CORO7: variants seen among roughly 807,000 people sequenced by gnomAD.
The protein encoded by CORO7 is coronin 7, also known as coronin-7.
CORO7 carries 107 observed loss-of-function variants against 126.6 expected under a neutral mutation model. That is an observed-to-expected ratio of 0.85 (90% confidence interval 0.72 to 0.99). CORO7 has a LOEUF of 0.99. CORO7 is among the 50% of genes least tolerant of loss of function. The probability of loss-of-function intolerance (pLI) is 0.00; values close to 1 mark genes in which losing one functional copy is unlikely to be tolerated. For synonymous variants in CORO7, 603 were observed against 536.8 expected (o/e 1.12, Z -1.70); for missense variants, 1,314 against 1,255.8 (o/e 1.05, Z -0.70).
At position 4,360,425 on chromosome 16, in the gene CORO7, C is replaced by T; in HGVS notation, c.2022+19G>A. 3.7e-6 allele frequency: 6 copies of T among 1,612,978 alleles called. No individual in the cohort carries two copies. Among genetic ancestry groups the T allele is most frequent in the Non-Finnish European group, 5.1e-6 (6 of 1,179,858 alleles). On this transcript the variant is annotated intron_variant, in intron 20 of 27. Transcript: ENST00000251166. ...CCTGAACCAGGTCTGAGGCCACTCC[C>T]CAGCCCCTGTGTGCTCACCTGCAGG...
chr16:4,385,462 C>T (rs2055164948), intron 9 of CORO7, among the ~76,000 whole-genome samples: 1 of 152,182 alleles, frequency 6.6e-6, no homozygotes, highest in Non-Finnish European at 1.5e-5. Context: ...ACACACTCAT[C>T]CCCGCTCAAT....
chr16:4,398,241 T>G lies in CORO7; in HGVS notation c.565-2902A>C, dbSNP rs568389212. ...GGTTTGAATATACATTTTAAAAATA[T>G]ATATATAGAAATGGCCAAAAAGCGT... On this transcript the variant is annotated intron_variant, in intron 6 of 27. Coordinates refer to ENST00000251166, the MANE Select transcript of CORO7 (RefSeq NM_024535.5). Among the ~76,000 whole-genome samples the G allele has an allele frequency of 2.0e-4, 31 of 152,260 alleles. 1 individual carries two copies. The highest frequency in any genetic ancestry group is 8.5e-4 in the Admixed American group (13 of 15,290).
intron 9 of CORO7, among the ~76,000 whole-genome samples, chr16:4,378,074 G>A (rs545998834): frequency 6.6e-6 from 1 of 152,280 alleles, no homozygotes; most frequent in South Asian, 2.1e-4. Flanking sequence ...CCCCTCCCCA[G>A]TGCAGGGTGA....
intron 3 of CORO7, among the ~76,000 whole-genome samples, chr16:4,410,329 G>A (rs1333561746): frequency 1.3e-5 from 2 of 152,084 alleles, no homozygotes; most frequent in Non-Finnish European, 1.5e-5. Context: ...GGAGGCTGAG[G>A]ATAGACGATC....
chr16:4,411,836 G>A (rs1392969449), intron 3 of CORO7, among the ~76,000 whole-genome samples: 3 of 151,960 alleles, frequency 2.0e-5, no homozygotes, highest in Non-Finnish European at 2.9e-5. Context: ...CATCTGAGGC[G>A]AGCAAACTGT....
rs112158347 is a variant in CORO7 at position 4,387,377 on chromosome 16, A to T, written c.785+609T>A. 3.1e-3 allele frequency among the ~76,000 whole-genome samples: 476 copies of T among 152,286 alleles called. 5 individuals are homozygous for T. Among genetic ancestry groups the T allele is most frequent in the African/African-American group, 0.011 (453 of 41,560 alleles). On this transcript the variant is annotated intron_variant, in intron 9 of 27. Coordinates refer to ENST00000251166, the MANE Select transcript of CORO7 (RefSeq NM_024535.5). ...GCCCTCTCCACACACTTCTGGGGGCAGATGGAAGGATGAGGTGCACCTGGA... is the reference window on the plus strand; with the variant it reads ...GCCCTCTCCACACACTTCTGGGGGCTGATGGAAGGATGAGGTGCACCTGGA...
chr16:4,360,143 T>C (rs2054115465), intron 21 of CORO7, 135 bp downstream of exon 21: 9 of 1,098,284 alleles, frequency 8.2e-6, no homozygotes, highest in Admixed American at 2.1e-5. Context: ...ACTCATCCAA[T>C]CATCTACCCA....
intron 16 of CORO7, 82 bp downstream of exon 16, chr16:4,361,903 G>C: frequency 6.5e-7 from 1 of 1,538,160 alleles, no homozygotes; most frequent in Non-Finnish European, 8.8e-7. Flanking sequence ...TGCTCCCTGT[G>C]TTGTGTGGGT....
intron 4 of CORO7, among the ~76,000 whole-genome samples, 195 bp from the exon 5 acceptor site, chr16:4,407,879 G>C (rs1407464301): frequency 6.6e-6 from 1 of 152,188 alleles, no homozygotes; most frequent in Admixed American, 6.5e-5. Flanking sequence ...GAGAAAGGAG[G>C]GAGGGAATCT....
At chr16:4,405,042 A>G (rs540010973) in intron 6 of CORO7, among the ~76,000 whole-genome samples, 3 of 152,182 alleles carry the variant, frequency 2.0e-5, no homozygotes, top group Admixed American at 1.3e-4. Flanking sequence ...CTGTCCAACC[A>G]GCTCAAAGCA....
In CORO7 at chr16:4,415,752, T is replaced by A. The variant is rs1016429258; in HGVS notation, c.60+707A>T. 1.1e-5 allele frequency: 11 copies of A among 984,954 alleles called. No homozygotes were observed. In the African/African-American group the frequency reaches 1.9e-4, roughly 17 times the overall value. 61.0% of individuals were successfully genotyped at this position (984,954 alleles called of 1,614,324 possible). On this transcript the variant is annotated intron_variant, in intron 1 of 27. Transcript: ENST00000251166. ...AAGCGGAAGAGCAGAGCTGACATCGTTTCCAAGGCGCACCCCTCATCAGTC... is the reference window on the plus strand; with the variant it reads ...AAGCGGAAGAGCAGAGCTGACATCGATTCCAAGGCGCACCCCTCATCAGTC...
chr16:4,361,944 C>T (rs368036812), intron 16 of CORO7, 41 bp downstream of exon 16: 1 of 1,568,490 alleles, frequency 6.4e-7, no homozygotes, highest in Non-Finnish European at 8.6e-7. Flanking sequence ...TTGCCACAGG[C>T]AGGGAACTGA....
intron 9 of CORO7, 21 bp downstream of exon 9, chr16:4,387,965 C>T (rs1567281346): frequency 6.2e-7 from 1 of 1,612,180 alleles, no homozygotes; most frequent in African/African-American, 1.3e-5. Flanking sequence ...CCCCAGCCCA[C>T]CTGCGTGCCG....
chr16:4,378,192 C>T (rs1214791081), intron 9 of CORO7, among the ~76,000 whole-genome samples: 1 of 152,190 alleles, frequency 6.6e-6, no homozygotes, highest in Non-Finnish European at 1.5e-5. Context: ...GTCCCAGATA[C>T]TCAGATGAAG....
chr16:4,409,007 G>A (rs575054236), intron 3 of CORO7, among the ~76,000 whole-genome samples: 1 of 152,120 alleles, frequency 6.6e-6, no homozygotes, highest in Admixed American at 6.6e-5. Context: ...TCCAGAGGTG[G>A]GGAGGGGTAG....
intron 2 of CORO7, among the ~76,000 whole-genome samples, chr16:4,413,096 A>G (rs2056273464): frequency 6.6e-6 from 1 of 152,064 alleles, no homozygotes; most frequent in South Asian, 2.1e-4. Context: ...TGGTTTGTAC[A>G]CACATATGTC....
At chr16:4,374,157 T>C (rs1410480749) in intron 9 of CORO7, among the ~76,000 whole-genome samples, 1 of 123,438 alleles carries the variant, frequency 8.1e-6, no homozygotes, top group Non-Finnish European at 1.6e-5. Flanking sequence ...CGTGTCTGTG[T>C]GCGCGTGACT....
At chr16:4,404,298 T>G (rs888224836) in intron 6 of CORO7, among the ~76,000 whole-genome samples, 1 of 152,062 alleles carries the variant, frequency 6.6e-6, no homozygotes, top group Non-Finnish European at 1.5e-5. Context: ...GGTGCCCTCA[T>G]TCCCAGCAAC....
chr16:4,400,632 T>TCAAAAACAAAAA (rs534799292), intron 6 of CORO7, among the ~76,000 whole-genome samples: 1 of 149,596 alleles, frequency 6.7e-6, no homozygotes, highest in Admixed American at 6.7e-5. Flanking sequence ...AGACTCTGTC[T>TCAAAAACAAAAA]CAAAAACAAA....
Sources: allele counts gnomAD v4.1 joint callset (sites outside exome capture counted in the v4.1 genomes callset), GRCh38; gene constraint gnomAD v4.1.1; transcripts MANE v1.5; gene names NCBI Gene and HGNC (gene_info 2026-07-23, HGNC 2026-07-21).